The following ATP6V0A2 variants were observed in gnomAD, a reference collection of about 807,000 sequenced individuals.
ATP6V0A2 encodes ATPase H+ transporting V0 subunit a2, also known as V-type proton ATPase 116 kDa subunit a 2.
In ATP6V0A2, 58 loss-of-function variants were observed where a neutral mutation model predicts 104.4. The observed-to-expected ratio is 0.56, with a 90% CI of 0.45 to 0.69. The LOEUF is 0.69. Ranked by LOEUF, ATP6V0A2 falls within the 30% of genes least tolerant of loss-of-function variation. The pLI is 0.00. For synonymous variants in ATP6V0A2, 376 were observed against 397.9 expected, an observed-to-expected ratio of 0.95 and a Z score of 0.65; for missense variants, 938 against 1,062.9, an observed-to-expected ratio of 0.88 and a Z score of 1.63.
chr12:123,725,657 A>G (rs1279044933), intron 4 of ATP6V0A2, among the ~76,000 whole-genome samples: 1 of 152,078 alleles, frequency 6.6e-6, no homozygotes, highest in Admixed American at 6.6e-5. Flanking sequence ...GTGGTGGTGC[A>G]TACTTGTAGT....
intron 1 of ATP6V0A2, among the ~76,000 whole-genome samples, chr12:123,715,018 G>T (rs1956326861): frequency 6.6e-6 from 1 of 152,170 alleles, no homozygotes; most frequent in African/African-American, 2.4e-5. Context: ...GGAGGCAGAG[G>T]TTGCAGTGAG....
chr12:123,720,904 A>C (rs1956393151), intron 2 of ATP6V0A2, among the ~76,000 whole-genome samples: 1 of 151,980 alleles, frequency 6.6e-6, no homozygotes, highest in Non-Finnish European at 1.5e-5. Context: ...TAAATTGGTT[A>C]AAACAATTTG....
At position 123,712,517 on chromosome 12, in the gene ATP6V0A2, C is replaced by G. The variant is rs979576618; in HGVS notation, c.-49C>G. On this transcript the variant is annotated 5_prime_UTR_variant, in exon 1 of 20. Coordinates refer to ENST00000330342, the MANE Select transcript of ATP6V0A2 (RefSeq NM_012463.4). ...GCTGAGTGTGCGGGCCCGCGCGGCT[C>G]GGAGCCGCCGCCGCCCATCGAGCCC... is the stretch of plus-strand genomic sequence containing the variant. 3 of 1,428,284 alleles carry G rather than the reference C, an allele frequency of 2.1e-6. No homozygotes were observed. Among genetic ancestry groups the G allele is most frequent in the Non-Finnish European group, 2.8e-6 (3 of 1,056,294 alleles). 88.5% of individuals were successfully genotyped at this position (1,428,284 alleles called of 1,614,324 possible).
At chr12:123,752,523 C>G in intron 17 of ATP6V0A2, 121 bp downstream of exon 17, 1 of 1,215,978 alleles carries the variant, frequency 8.2e-7, no homozygotes, top group Non-Finnish European at 1.2e-6. Context: ...GACTTCCAGC[C>G]TCCACAACTA....
chr12:123,758,085 T>A lies in ATP6V0A2; in HGVS notation c.*53T>A. 7.8e-7 allele frequency: 1 copy of A among 1,284,438 alleles called. No individual in the cohort carries two copies. Among genetic ancestry groups the A allele is most frequent in the Non-Finnish European group, 1.1e-6 (1 of 882,964 alleles). The allele number at this position is 1,284,438 out of a possible 1,614,324, so 79.6% of individuals were successfully genotyped here. A position where few individuals can be genotyped will look rare whatever the true frequency, so the allele number is the denominator to read the frequency against. ...AGATTTATGGAGAATGACCATGTTA[T>A]AGACTTTCACTTATGTCAGATTTAT... On this transcript the variant is annotated 3_prime_UTR_variant, in exon 20 of 20. Coordinates refer to ENST00000330342, the MANE Select transcript of ATP6V0A2 (RefSeq NM_012463.4).
At chr12:123,713,991 G>A (rs762784425) in intron 1 of ATP6V0A2, among the ~76,000 whole-genome samples, 8 of 152,218 alleles carry the variant, frequency 5.3e-5, no homozygotes, top group Non-Finnish European at 1.2e-4. Context: ...GGTTCCTGGA[G>A]CCACTTCTGC....
Position 123,756,977 on chromosome 12 carries a change from G to A in ATP6V0A2, c.2456G>A (p.Arg819His). ...CTTTCTGCGTTTCTTCACGCCATAC[G>A]CCTCCACTGGTGAGTTTGAAACCTA... ...EGLSAFLHAI[R>H]LHWVEFQNKF... Residue 819 changes from arginine (R) to histidine (H), a missense_variant, in exon 19 of 20, where the codon CGC becomes CAC. Arg to His is a conservative substitution (Grantham distance 29). Coordinates refer to ENST00000330342, the MANE Select transcript of ATP6V0A2 (RefSeq NM_012463.4). 1.9e-6 allele frequency: 3 copies of A among 1,614,086 alleles called. No homozygotes were observed. Among genetic ancestry groups the A allele is most frequent in the Non-Finnish European group, 1.7e-6 (2 of 1,180,018 alleles).
chr12:123,720,936 T>C (rs1956393309), intron 2 of ATP6V0A2, among the ~76,000 whole-genome samples: 1 of 152,256 alleles, frequency 6.6e-6, no homozygotes, highest in South Asian at 2.1e-4. Context: ...AGAAACCTCT[T>C]AGACCCAGTG....
chr12:123,720,317 T>C (rs1306439259), intron 2 of ATP6V0A2, among the ~76,000 whole-genome samples: 1 of 152,174 alleles, frequency 6.6e-6, no homozygotes, highest in Non-Finnish European at 1.5e-5. Context: ...GGATAGATGG[T>C]GTATTCAGAA....
intron 9 of ATP6V0A2, among the ~76,000 whole-genome samples, chr12:123,741,293 GA>G (rs954279091): frequency 2.0e-5 from 3 of 151,666 alleles, no homozygotes; most frequent in Admixed American, 1.3e-4. Flanking sequence ...ATACACAATA[GA>G]AAAAAAATTA....
At chr12:123,713,544 G>A (rs1566270717) in intron 1 of ATP6V0A2, among the ~76,000 whole-genome samples, 1 of 152,046 alleles carries the variant, frequency 6.6e-6, no homozygotes, top group Non-Finnish European at 1.5e-5. Flanking sequence ...AGCTTTTCTT[G>A]ACTGCCCGCT....
At position 123,750,529 on chromosome 12, in the gene ATP6V0A2, C is replaced by T. The variant is rs545884916; in HGVS notation, c.1936-581C>T. The T allele has an allele frequency of 3.3e-5, 6 of 183,710 alleles. No homozygotes were observed. In the East Asian group the frequency reaches 5.7e-4, roughly 18 times the overall value. The allele number at this position is 183,710 out of a possible 1,614,324, so 11.4% of individuals were successfully genotyped here. ...GATAAGCTTGGACAGCACAGTGTCC[C>T]GTCCAAACCCTGGGAAGCCATGCAG... On this transcript the variant is annotated intron_variant, in intron 15 of 19. Transcript: ENST00000330342.
chr12:123,739,206 C>T (rs752598618), intron 9 of ATP6V0A2, among the ~76,000 whole-genome samples: 10 of 152,208 alleles, frequency 6.6e-5, no homozygotes, highest in Non-Finnish European at 1.0e-4. Flanking sequence ...TGTCCACCTC[C>T]GGCTGCATAG....
At chr12:123,715,313 T>C (rs1956329360) in intron 1 of ATP6V0A2, among the ~76,000 whole-genome samples, 1 of 152,184 alleles carries the variant, frequency 6.6e-6, no homozygotes, top group African/African-American at 2.4e-5. Context: ...ACAAGTTCCA[T>C]AGAACTAGAT....
At position 123,724,598 on chromosome 12, in the gene ATP6V0A2, G is replaced by A. The variant is rs1956430782; in HGVS notation, c.295-56G>A. 2.5e-6 allele frequency: 4 copies of A among 1,579,380 alleles called. No homozygotes were observed. The African/African-American group carries it at 4.1e-5, about 16-fold the overall frequency. ...TTTGGTATACTGCATGAAGATTATT[G>A]GAATTACACTTGGAACTAATTACTA... is the stretch of plus-strand genomic sequence containing the variant. On this transcript the variant is annotated intron_variant, in intron 3 of 19. Transcript: ENST00000330342.
intron 1 of ATP6V0A2, among the ~76,000 whole-genome samples, chr12:123,717,738 C>G (rs988847269): frequency 6.6e-6 from 1 of 152,052 alleles, no homozygotes; most frequent in South Asian, 2.1e-4. Context: ...GCTGCTGTGC[C>G]TGGCTATAAT....
intron 9 of ATP6V0A2, among the ~76,000 whole-genome samples, chr12:123,739,304 C>G (rs1001740326): frequency 6.6e-6 from 1 of 152,122 alleles, no homozygotes; most frequent in African/African-American, 2.4e-5. Flanking sequence ...GCTTATAGTC[C>G]CTGTCTCTTC....
At chr12:123,725,519 T>C (rs1279421702) in intron 4 of ATP6V0A2, among the ~76,000 whole-genome samples, 1 of 152,236 alleles carries the variant, frequency 6.6e-6, no homozygotes, top group Non-Finnish European at 1.5e-5. Context: ...GGCTTACACC[T>C]GTAATCCCAG....
chr12:123,714,213 G>A (rs1956319600), intron 1 of ATP6V0A2, among the ~76,000 whole-genome samples: 1 of 152,226 alleles, frequency 6.6e-6, no homozygotes, highest in African/African-American at 2.4e-5. Flanking sequence ...GTTTCAATAA[G>A]CGCCACTACC....
Sources: gnomAD v4.1 joint callset for allele counts (sites outside exome capture counted in the v4.1 genomes callset) on GRCh38, gnomAD v4.1.1 for gene constraint, MANE v1.5 for transcripts, NCBI Gene and HGNC (gene_info 2026-07-23, HGNC 2026-07-21) for gene names.